CCNY: variants seen among roughly 807,000 people sequenced by gnomAD.
The protein encoded by CCNY is cyclin-Y.
CCNY carries 19 observed loss-of-function variants against 42.8 expected under a neutral mutation model. That is an observed-to-expected ratio of 0.44 (90% CI 0.31 to 0.65). The LOEUF is 0.65. Ranked by LOEUF, CCNY falls within the 30% of genes least tolerant of loss-of-function variation. The pLI, the probability that CCNY is intolerant of heterozygous loss-of-function variation, is 0.07. For synonymous variants in CCNY, 165 were observed against 162.7 expected (o/e 1.01, Z -0.11); for missense variants, 370 against 437.3 (o/e 0.85, Z 1.37).
intron 1 of CCNY, among the ~76,000 whole-genome samples, chr10:35,456,965 A>G (rs1170949447): frequency 6.6e-6 from 1 of 152,144 alleles, no homozygotes; most frequent in Non-Finnish European, 1.5e-5. Flanking sequence ...TCTCTGTCAC[A>G]TGTTAATATT....
intron 3 of CCNY, among the ~76,000 whole-genome samples, chr10:35,513,417 A>G (rs1457281361): frequency 6.6e-6 from 1 of 152,134 alleles, no homozygotes; most frequent in Non-Finnish European, 1.5e-5. Context: ...TGCAAGTAAA[A>G]CATTGCCTTA....
chr10:35,419,532 C>G (rs61843287), intron 1 of CCNY, among the ~76,000 whole-genome samples: 7 of 110,562 alleles, frequency 6.3e-5, no homozygotes, highest in African/African-American at 9.5e-5. Flanking sequence ...TTAGACCGTT[C>G]CTTTTTTTTT....
intron 2 of CCNY, among the ~76,000 whole-genome samples, chr10:35,485,521 C>T (rs922022214): frequency 6.6e-6 from 1 of 152,030 alleles, no homozygotes; most frequent in Non-Finnish European, 1.5e-5. Flanking sequence ...GTCAGGAGAT[C>T]GAGACCATCC....
chr10:35,414,538 G>A (rs1837983184), intron 1 of CCNY, among the ~76,000 whole-genome samples: 2 of 152,198 alleles, frequency 1.3e-5, no homozygotes, highest in Non-Finnish European at 2.9e-5. Context: ...TTGCTTATCA[G>A]CAAGTCACAG....
chr10:35,326,089 T>C (rs957163067), intron 3 of CCNY, among the ~76,000 whole-genome samples: 1 of 151,946 alleles, frequency 6.6e-6, no homozygotes, highest in Non-Finnish European at 1.5e-5. Context: ...AATAAATAAA[T>C]AAACTTTACT....
intron 8 of CCNY, among the ~76,000 whole-genome samples, chr10:35,563,333 G>T (rs1403538901): frequency 6.6e-6 from 1 of 152,206 alleles, no homozygotes; most frequent in African/African-American, 2.4e-5. Flanking sequence ...TTGTTCAAAA[G>T]CAGCTTCCTC....
upstream of CCNY, among the ~76,000 whole-genome samples, chr10:35,333,779 C>T (rs1333159332): frequency 6.6e-6 from 1 of 152,182 alleles, no homozygotes; most frequent in Non-Finnish European, 1.5e-5. Flanking sequence ...CATTTATCTG[C>T]TCAGAGTTGG....
At chr10:35,465,709 TC>T (rs1839244974) in intron 1 of CCNY, among the ~76,000 whole-genome samples, 1 of 152,134 alleles carries the variant, frequency 6.6e-6, no homozygotes, top group Non-Finnish European at 1.5e-5. Context: ...CCTGTCCTCT[TC>T]CTTCTAGCTG....
chr10:35,286,645 C>T (rs12415896), intron 3 of CCNY, among the ~76,000 whole-genome samples: 41,545 of 145,958 alleles, frequency 0.28, 6,113 homozygotes, highest in East Asian at 0.36. Context: ...CGTGAGCCAC[C>T]GTGCCCAGCC....
At chr10:35,363,244 C>T (rs1437861190) in intron 1 of CCNY, among the ~76,000 whole-genome samples, 6 of 143,434 alleles carry the variant, frequency 4.2e-5, no homozygotes, top group Non-Finnish European at 7.5e-5. Context: ...CCGGCAGAGG[C>T]GCTCCTCACT....
chr10:35,551,529 TG>T (rs1379918944), intron 7 of CCNY, among the ~76,000 whole-genome samples: 1 of 152,172 alleles, frequency 6.6e-6, no homozygotes, highest in Admixed American at 6.5e-5. Context: ...TGTTTAATTT[TG>T]TTTTTTTTTC....
chr10:35,339,183 A>G (rs1200352949), intron 1 of CCNY, among the ~76,000 whole-genome samples: 1 of 152,204 alleles, frequency 6.6e-6, no homozygotes, highest in Non-Finnish European at 1.5e-5. Flanking sequence ...AATAAATAAT[A>G]CTTCTAGCAT....
intron 1 of CCNY, among the ~76,000 whole-genome samples, chr10:35,445,491 G>T (rs1276319330): frequency 1.3e-5 from 2 of 152,296 alleles, no homozygotes; most frequent in Admixed American, 1.3e-4. Flanking sequence ...TGCCAGGAAG[G>T]GTGGAAGACT....
chr10:35,439,550 A>AGTGTGT (rs140918740), intron 1 of CCNY, among the ~76,000 whole-genome samples: 4 of 142,866 alleles, frequency 2.8e-5, no homozygotes, highest in East Asian at 2.0e-4. Context: ...TTTTGTTTCA[A>AGTGTGT]GTGTGTGTGT....
intron 3 of CCNY, among the ~76,000 whole-genome samples, chr10:35,509,687 G>A (rs1428563563): frequency 6.6e-6 from 1 of 152,110 alleles, no homozygotes; most frequent in African/African-American, 2.4e-5. Context: ...GACCCCTGGT[G>A]GTCCTGGAAA....
At chr10:35,312,382 C>CAAAAAA (rs35909291) in intron 3 of CCNY, among the ~76,000 whole-genome samples, 1 of 61,462 alleles carries the variant, frequency 1.6e-5, no homozygotes, top group Non-Finnish European at 3.2e-5. Flanking sequence ...CTCTGTGTCA[C>CAAAAAA]AAAAAAAAAA....
intron 1 of CCNY, among the ~76,000 whole-genome samples, chr10:35,389,663 C>T (rs1200143334): frequency 6.6e-6 from 1 of 151,888 alleles, no homozygotes; most frequent in Admixed American, 6.6e-5. Context: ...GGTCTTGAAC[C>T]CCTGACCTTG....
At chr10:35,293,878 C>A (rs1835442653) in intron 3 of CCNY, among the ~76,000 whole-genome samples, 1 of 151,378 alleles carries the variant, frequency 6.6e-6, no homozygotes, top group African/African-American at 2.4e-5. Context: ...GCAACCTCTG[C>A]CTCCTGGGTT....
chr10:35,290,222 T>TCACACACACACACA (rs368209050), intron 3 of CCNY, among the ~76,000 whole-genome samples: 1,345 of 122,908 alleles, frequency 0.011, 16 homozygotes, highest in South Asian at 0.021. Context: ...CAAGACTCCA[T>TCACACACACACACA]CACACACACA....
Sources: gnomAD v4.1 joint callset for allele counts (sites outside exome capture counted in the v4.1 genomes callset) on GRCh38, gnomAD v4.1.1 for gene constraint, MANE v1.5 for transcripts, NCBI Gene and HGNC (gene_info 2026-07-23, HGNC 2026-07-21) for gene names.